The following GXYLT2 variants were observed in gnomAD, a reference collection of about 807,000 sequenced individuals.
GXYLT2 encodes glycosyltransferase 8 domain containing 4.
In GXYLT2, 53 loss-of-function variants were observed where a neutral mutation model predicts 45.8. The observed-to-expected ratio is 1.16, with a 90% confidence interval of 0.93 to 1.46. The LOEUF (loss-of-function observed/expected upper bound fraction) is 1.46, where lower values mean the gene tolerates loss of function less well. Among genes scored for constraint, GXYLT2 ranks in the 40% most tolerant of loss-of-function variants. The pLI is 0.00. For synonymous variants in GXYLT2, 219 were observed against 214.2 expected (o/e 1.02, Z -0.19); for missense variants, 551 against 544.4 (o/e 1.01, Z -0.12).
intron 1 of GXYLT2, among the ~76,000 whole-genome samples, chr3:72,898,345 T>A (rs948799080): frequency 6.6e-6 from 1 of 152,218 alleles, no homozygotes; most frequent in Non-Finnish European, 1.5e-5. Flanking sequence ...CATCTAATTC[T>A]TCTCCCTCGT....
At chr3:72,900,772 A>T (rs1216580692) in intron 1 of GXYLT2, among the ~76,000 whole-genome samples, 1 of 152,162 alleles carries the variant, frequency 6.6e-6, no homozygotes, top group Non-Finnish European at 1.5e-5. Flanking sequence ...AATTTTTACG[A>T]CATCTATCCA....
intron 2 of GXYLT2, among the ~76,000 whole-genome samples, chr3:72,911,489 A>AT (rs1466233622): frequency 6.6e-6 from 1 of 152,136 alleles, no homozygotes; most frequent in Non-Finnish European, 1.5e-5. Flanking sequence ...CACTTCTGAG[A>AT]TTAAGTTACA....
At chr3:72,892,880 C>G (rs115836793) in intron 1 of GXYLT2, among the ~76,000 whole-genome samples, 1 of 152,248 alleles carries the variant, frequency 6.6e-6, no homozygotes, top group East Asian at 1.9e-4. Context: ...TGAATCCCCT[C>G]GATCACCCTC....
At chr3:72,969,167 A>C (rs1174567123) in intron 6 of GXYLT2, among the ~76,000 whole-genome samples, 9 of 152,080 alleles carry the variant, frequency 5.9e-5, no homozygotes, top group Admixed American at 5.9e-4. Context: ...ATGTGTATGA[A>C]CATGGCTGTC....
chr3:72,953,737 G>C (rs2107139594), intron 3 of GXYLT2, among the ~76,000 whole-genome samples: 1 of 152,292 alleles, frequency 6.6e-6, no homozygotes, highest in Admixed American at 6.5e-5. Context: ...GCCGCATGCT[G>C]ATACACAAAC....
intron 6 of GXYLT2, among the ~76,000 whole-genome samples, chr3:72,971,973 G>A (rs374626357): frequency 7.9e-5 from 12 of 151,390 alleles, no homozygotes; most frequent in African/African-American, 2.4e-4. Flanking sequence ...AAGATATAAG[G>A]AAGTTGTTTT....
chr3:72,912,450 G>A (rs139183063), intron 2 of GXYLT2, among the ~76,000 whole-genome samples: 1,699 of 152,166 alleles, frequency 0.011, 27 homozygotes, highest in African/African-American at 0.037. Context: ...TGCCTTGCCT[G>A]TTTGTGATTG....
rs564195525 is a variant in GXYLT2 at position 72,955,733 on chromosome 3, A to C, written c.852+384A>C. Among the ~76,000 whole-genome samples the C allele has an allele frequency of 7.2e-5, 11 of 152,280 alleles. No homozygotes were observed. The East Asian group carries it at 2.1e-3, about 29-fold the overall frequency. On this transcript the variant is annotated intron_variant, in intron 4 of 6. Coordinates refer to ENST00000389617, the MANE Select transcript of GXYLT2 (RefSeq NM_001080393.2). The stretch of plus-strand genomic sequence containing the variant: ...TCGTGATCTCATCTTTTATCCTAGC[A>C]AAGAAGTGGAAAGAAGCTAAAAGAA...
chr3:72,917,586 G>T (rs943843957), intron 2 of GXYLT2, among the ~76,000 whole-genome samples: 2 of 151,270 alleles, frequency 1.3e-5, no homozygotes, highest in Non-Finnish European at 2.9e-5. Flanking sequence ...GCAAAACCTT[G>T]TCTCAGTAAA....
intron 3 of GXYLT2, among the ~76,000 whole-genome samples, chr3:72,932,780 C>G (rs1044929572): frequency 6.6e-6 from 1 of 152,130 alleles, no homozygotes; most frequent in East Asian, 1.9e-4. Flanking sequence ...CAAAGTGTGG[C>G]CTTTAGAAAA....
chr3:72,949,403 G>T (rs954824304), intron 3 of GXYLT2, among the ~76,000 whole-genome samples: 1 of 151,230 alleles, frequency 6.6e-6, no homozygotes, highest in Non-Finnish European at 1.5e-5. Context: ...TTGTGCTTCT[G>T]TGCTAACCTT....
At chr3:72,927,915 C>T (rs898917295) in intron 3 of GXYLT2, among the ~76,000 whole-genome samples, 1 of 152,194 alleles carries the variant, frequency 6.6e-6, no homozygotes, top group Non-Finnish European at 1.5e-5. Context: ...AACTCAACTC[C>T]AACTAGCAAA....
intron 2 of GXYLT2, among the ~76,000 whole-genome samples, chr3:72,910,845 A>C (rs1017770693): frequency 5.3e-5 from 8 of 152,214 alleles, no homozygotes; most frequent in Non-Finnish European, 1.2e-4. Context: ...GAAGTGCTCT[A>C]TGTGGCGGAA....
chr3:72,925,715 T>C (rs969736452), intron 3 of GXYLT2, among the ~76,000 whole-genome samples: 2 of 152,184 alleles, frequency 1.3e-5, no homozygotes, highest in Non-Finnish European at 2.9e-5. Flanking sequence ...GGAACTACAT[T>C]TGAATTTTTG....
chr3:72,974,732 GC>G (rs1711059236), intron 6 of GXYLT2, among the ~76,000 whole-genome samples: 1 of 152,110 alleles, frequency 6.6e-6, no homozygotes, highest in African/African-American at 2.4e-5. Flanking sequence ...ACAGGTGTAA[GC>G]CACCATGCCT....
intron 3 of GXYLT2, among the ~76,000 whole-genome samples, chr3:72,942,681 A>G (rs1404899408): frequency 6.6e-6 from 1 of 152,010 alleles, no homozygotes; most frequent in Non-Finnish European, 1.5e-5. Flanking sequence ...ACATGCGAAA[A>G]CATCAGACAC....
intron 2 of GXYLT2, among the ~76,000 whole-genome samples, chr3:72,917,883 G>T (rs571689296): frequency 6.6e-6 from 1 of 152,032 alleles, no homozygotes; most frequent in East Asian, 1.9e-4. Flanking sequence ...AACAGTTTTG[G>T]TGTATATATA....
At chr3:72,905,230 G>A (rs139362900) in intron 1 of GXYLT2, among the ~76,000 whole-genome samples, 2,419 of 151,730 alleles carry the variant, frequency 0.016, 66 homozygotes, top group African/African-American at 0.056. Context: ...CAATTCTCCT[G>A]CCTCAGCCTC....
In GXYLT2 at chr3:72,961,118, C is replaced by T. The variant is rs187788140; in HGVS notation, c.976+3766C>T. On this transcript the variant is annotated intron_variant, in intron 5 of 6. Coordinates refer to ENST00000389617, the MANE Select transcript of GXYLT2 (RefSeq NM_001080393.2). ...ATAGACTGACTTGAGATAGCTGAAACGCGTGGGGGCTTTCAGGACAGTTCA... is the reference window on the plus strand; with the variant it reads ...ATAGACTGACTTGAGATAGCTGAAATGCGTGGGGGCTTTCAGGACAGTTCA... 2.4e-4 allele frequency among the ~76,000 whole-genome samples: 36 copies of T among 152,244 alleles called. No homozygotes were observed. In the East Asian group the frequency reaches 6.0e-3, roughly 25 times the overall value.
Sources: gnomAD v4.1 joint callset for allele counts (sites outside exome capture counted in the v4.1 genomes callset) on GRCh38, gnomAD v4.1.1 for gene constraint, MANE v1.5 for transcripts, NCBI Gene and HGNC (gene_info 2026-07-23, HGNC 2026-07-21) for gene names.